Variants in PRR5 observed in about 807,000 individuals in gnomAD.
PRR5 encodes proline rich 5, also known as proline-rich protein 5.
In PRR5, 25 loss-of-function variants were observed where a neutral mutation model predicts 30.6. The observed-to-expected ratio is 0.82, with a 90% CI of 0.60 to 1.14. The LOEUF (loss-of-function observed/expected upper bound fraction) is 1.14, where lower values mean the gene tolerates loss of function less well. Ranked by LOEUF, PRR5 falls within the 50% of genes most tolerant of loss-of-function variation. PRR5 has a pLI of 0.00. For synonymous variants in PRR5, 286 were observed against 247.1 expected, an observed-to-expected ratio of 1.16 and a Z score of -1.48; for missense variants, 600 against 547.1, an observed-to-expected ratio of 1.10 and a Z score of -0.96.
chr22:44,687,673 C>T (rs988072042), intron 1 of PRR5, among the ~76,000 whole-genome samples: 3 of 152,272 alleles, frequency 2.0e-5, no homozygotes, highest in South Asian at 2.1e-4. Context: ...GCTTGCTCCG[C>T]GCCTGGTCTC....
intron 1 of PRR5, among the ~76,000 whole-genome samples, chr22:44,684,084 C>T (rs1318710003): frequency 2.0e-5 from 3 of 152,160 alleles, no homozygotes; most frequent in East Asian, 1.9e-4. Flanking sequence ...CCAGGAGGGC[C>T]CGGGCCAGAG....
chr22:44,731,688 C>T lies in PRR5; in HGVS notation c.323-42C>T, dbSNP rs191960940. 653 of 1,600,652 alleles carry T rather than the reference C, an allele frequency of 4.1e-4. 4 individuals carry two copies. The highest frequency in any genetic ancestry group is 4.0e-3 in the South Asian group (359 of 90,792). On this transcript the variant is annotated intron_variant, in intron 4 of 7. Coordinates refer to ENST00000336985, the MANE Select transcript of PRR5 (RefSeq NM_181333.4). ...TCCTGGGTGAGTGGAGGCATCTGCC[C>T]GCGCCAGTCAGGCCCAGTGGTGATG...
At position 44,669,331 on chromosome 22, in the gene PRR5, C is replaced by T. The variant is rs1047122272; in HGVS notation, c.-11+526C>T. Reference sequence around the variant, plus strand: ...AGCCCTGTCCTGGCTCAGCCTGTGGCCCCCACCGCTCTGGCCTCTGGCCTG... The same window carrying T: ...AGCCCTGTCCTGGCTCAGCCTGTGGTCCCCACCGCTCTGGCCTCTGGCCTG... On this transcript the variant is annotated intron_variant, in intron 1 of 8. Coordinates refer to the PRR5 transcript ENST00000432186. Among the ~76,000 whole-genome samples the T allele has an allele frequency of 2.0e-4, 31 of 152,324 alleles. No individual in the cohort carries two copies. In the East Asian group the frequency reaches 5.2e-3, roughly 26 times the overall value.
At chr22:44,718,865 C>T (rs529087679) in intron 2 of PRR5, among the ~76,000 whole-genome samples, 7 of 152,246 alleles carry the variant, frequency 4.6e-5, no homozygotes, top group Middle Eastern at 3.4e-3. Context: ...TATTATTGAG[C>T]TATGAGAGTT....
At chr22:44,684,451 G>A (rs1432518358) in intron 1 of PRR5, among the ~76,000 whole-genome samples, 3 of 152,222 alleles carry the variant, frequency 2.0e-5, no homozygotes, top group Admixed American at 1.3e-4. Flanking sequence ...GGAGGCTGAA[G>A]CAGGAAAATC....
At chr22:44,687,811 G>A (rs1048750050) in intron 1 of PRR5, among the ~76,000 whole-genome samples, 4 of 152,064 alleles carry the variant, frequency 2.6e-5, no homozygotes, top group South Asian at 2.1e-4. Context: ...GTCTCACTCC[G>A]TCGCCCAGGC....
upstream of PRR5, among the ~76,000 whole-genome samples, chr22:44,674,030 G>C (rs932314582): frequency 1.3e-5 from 2 of 152,202 alleles, no homozygotes; most frequent in Admixed American, 1.3e-4. Context: ...TCTGCCTGCA[G>C]CCTTTCTCCC....
rs2146969800 is a variant in PRR5 at position 44,691,984 on chromosome 22, A to G, written c.-10-10508A>G. Among the ~76,000 whole-genome samples, 1 of 152,188 alleles carries G rather than the reference A, an allele frequency of 6.6e-6. No individual in the cohort carries two copies. The highest frequency in any genetic ancestry group is 1.9e-4 in the East Asian group (1 of 5,168). On this transcript the variant is annotated intron_variant, in intron 1 of 8. Coordinates refer to the PRR5 transcript ENST00000006251. The surrounding 1 kb of genome is among the most constrained non-coding windows in gnomAD (Gnocchi z 4.4). The stretch of plus-strand genomic sequence containing the variant: ...TTGATGCCATCAGGAACGCGGGCCA[A>G]GTTTTGATGGGCTGTTTCCTGCCTC...
chr22:44,737,515 C>T lies in PRR5; in HGVS notation c.*268C>T, dbSNP rs973891954. The T allele has an allele frequency of 3.8e-6, 2 of 532,752 alleles. No individual in the cohort carries two copies. The highest frequency in any genetic ancestry group is 3.8e-5 in the African/African-American group (2 of 52,972). The allele number at this position is 532,752 out of a possible 1,614,324, so 33.0% of individuals were successfully genotyped here. ...GGGGTCGGCCGCTCGCTCCCACGCTCCTCCTGCCCCAGCCCTCTGGTGTCC... is the reference window on the plus strand; with the variant it reads ...GGGGTCGGCCGCTCGCTCCCACGCTTCTCCTGCCCCAGCCCTCTGGTGTCC... On this transcript the variant is annotated 3_prime_UTR_variant, in exon 8 of 8. Coordinates refer to ENST00000336985, the MANE Select transcript of PRR5 (RefSeq NM_181333.4).
At chr22:44,695,495 G>A (rs7284238) in intron 1 of PRR5, among the ~76,000 whole-genome samples, 20,722 of 152,178 alleles carry the variant, frequency 0.14, 1,462 homozygotes, top group Admixed American at 0.18. Flanking sequence ...GTTTTTTAGA[G>A]CCTTTTGTGA....
rs771175834 is a variant in PRR5, at chr22:44,735,181, C to T, written c.691+19C>T. On this transcript the variant is annotated intron_variant, in intron 7 of 7. Coordinates refer to ENST00000336985, the MANE Select transcript of PRR5 (RefSeq NM_181333.4). ...ATCCTGGGTAGGGGTCCGCCTGGGCCTTGGGCTGGGGCAGGGGTGACCACG... is the reference window on the plus strand; with the variant it reads ...ATCCTGGGTAGGGGTCCGCCTGGGCTTTGGGCTGGGGCAGGGGTGACCACG... 6.2e-7 allele frequency: 1 copy of T among 1,608,686 alleles called. No homozygotes were observed. The highest frequency in any genetic ancestry group is 8.5e-7 in the Non-Finnish European group (1 of 1,178,068).
intron 2 of PRR5, among the ~76,000 whole-genome samples, chr22:44,721,254 C>A (rs1193507704): frequency 6.6e-6 from 1 of 152,184 alleles, no homozygotes; most frequent in Non-Finnish European, 1.5e-5. Flanking sequence ...AGCAGGCAAG[C>A]AGCTCAAGGG....
upstream of PRR5, among the ~76,000 whole-genome samples, chr22:44,699,488 G>C (rs1274440147): frequency 6.6e-6 from 1 of 152,248 alleles, no homozygotes; most frequent in Admixed American, 6.5e-5. Context: ...GCTCACATCT[G>C]TCCAGCCTGG....
At chr22:44,686,907 C>T (rs533694466) in intron 1 of PRR5, among the ~76,000 whole-genome samples, 10 of 152,324 alleles carry the variant, frequency 6.6e-5, no homozygotes, top group East Asian at 1.9e-4. Context: ...CTACCACACC[C>T]GGCAAATACG....
chr22:44,713,867 G>A (rs771332128), intron 1 of PRR5, among the ~76,000 whole-genome samples: 1 of 152,168 alleles, frequency 6.6e-6, no homozygotes, highest in South Asian at 2.1e-4. Flanking sequence ...GCAGTGGCGC[G>A]ATCTCGGCTC....
rs747704165 is a variant in PRR5 at position 44,731,749 on chromosome 22, AC to A, written c.343del (p.Leu115TrpfsTer46). ...CCACAGGACAGAAGCTGCTGGACTC[AC>A]TGGCAGAGACCTGGGACTTCTTCTT... ...FYEGQKLLDSLAETWDFFFSD... is the reference protein window; with the variant it reads ...FYEGQKLLDSXAETWDFFFSD... On this transcript the variant is annotated frameshift_variant, in exon 5 of 8. Transcript: ENST00000336985. LOFTEE classifies it high-confidence loss of function. 2 of 1,613,680 alleles carry A rather than the reference AC, an allele frequency of 1.2e-6. No homozygotes were observed. Among genetic ancestry groups the A allele is most frequent in the African/African-American group, 2.7e-5 (2 of 74,946 alleles).
At chr22:44,703,006 C>T (rs1159699369) in intron 1 of PRR5, among the ~76,000 whole-genome samples, 1 of 152,178 alleles carries the variant, frequency 6.6e-6, no homozygotes, top group Admixed American at 6.5e-5. Flanking sequence ...ACGGGAGCCT[C>T]GGGGCTCAGT....
At chr22:44,727,602 G>A (rs978010564) in intron 4 of PRR5, among the ~76,000 whole-genome samples, 9 of 152,312 alleles carry the variant, frequency 5.9e-5, no homozygotes, top group South Asian at 2.1e-4. Context: ...CAGCTGCACC[G>A]TGGCAAGGCC....
intron 2 of PRR5, among the ~76,000 whole-genome samples, chr22:44,716,749 C>A (rs1489671560): frequency 6.6e-6 from 1 of 152,136 alleles, no homozygotes; most frequent in African/African-American, 2.4e-5. Flanking sequence ...CTCTTCTGGA[C>A]GGTGTGGCCA....
Sources: allele counts gnomAD v4.1 joint callset (sites outside exome capture counted in the v4.1 genomes callset), GRCh38; gene constraint gnomAD v4.1.1; non-coding constraint Gnocchi (gnomAD v3.1); transcripts MANE v1.5; gene names NCBI Gene and HGNC (gene_info 2026-07-23, HGNC 2026-07-21).